Variants in MEP1A observed in about 807,000 individuals in gnomAD.
The protein encoded by MEP1A is meprin A subunit alpha.
In MEP1A, 68 loss-of-function variants were observed where a neutral mutation model predicts 84.5. The ratio of observed to expected loss-of-function variants is 0.80; its 90% CI spans 0.66 to 0.98. The LOEUF (loss-of-function observed/expected upper bound fraction) is 0.98. Among genes scored for constraint, MEP1A ranks in the 50% least tolerant of loss-of-function variants. The probability of loss-of-function intolerance (pLI) is 0.00; values close to 1 mark genes in which losing one functional copy is unlikely to be tolerated. For synonymous variants in MEP1A, 337 were observed against 336.8 expected (o/e 1.00, Z -0.01); for missense variants, 887 against 919.9 (o/e 0.96, Z 0.46).
chr6:46,801,564 C>T (rs1366978937), intron 5 of MEP1A, among the ~76,000 whole-genome samples: 4 of 151,820 alleles, frequency 2.6e-5, no homozygotes, highest in Non-Finnish European at 4.4e-5. Flanking sequence ...CTGTTACTTA[C>T]CTATTTGTTT....
intron 5 of MEP1A, among the ~76,000 whole-genome samples, chr6:46,801,115 A>G (rs1767189973): frequency 6.6e-6 from 1 of 152,124 alleles, no homozygotes; most frequent in Non-Finnish European, 1.5e-5. Flanking sequence ...AGTTTATGTG[A>G]ATACATTTTT....
intron 6 of MEP1A, among the ~76,000 whole-genome samples, chr6:46,815,146 A>G (rs1384881075): frequency 6.6e-6 from 1 of 152,164 alleles, no homozygotes; most frequent in Non-Finnish European, 1.5e-5. Context: ...AAGGCCATAG[A>G]GCTCTCAAGA....
intron 9 of MEP1A, among the ~76,000 whole-genome samples, chr6:46,828,497 C>T (rs556823600): frequency 6.6e-6 from 1 of 152,314 alleles, no homozygotes; most frequent in East Asian, 1.9e-4. Flanking sequence ...CAGCACTATA[C>T]TGTACACTCA....
At chr6:46,832,390 A>C (rs1768097827) in intron 10 of MEP1A, among the ~76,000 whole-genome samples, 1 of 152,196 alleles carries the variant, frequency 6.6e-6, no homozygotes, top group South Asian at 2.1e-4. Flanking sequence ...ATCTTTCCTC[A>C]GCTCTTAATT....
chr6:46,817,592 T>C (rs1767669838), intron 6 of MEP1A, among the ~76,000 whole-genome samples: 1 of 152,224 alleles, frequency 6.6e-6, no homozygotes, highest in South Asian at 2.1e-4. Flanking sequence ...TATTAACAAA[T>C]TTATTTCCAT....
chr6:46,829,450 G>T lies in MEP1A; in HGVS notation c.1023G>T (p.Gln341His). The change falls in exon 10 of 14, where the codon CAG (glutamine) becomes CAT (histidine). Residue 341 changes from glutamine to histidine, a missense_variant. By Grantham distance (24) the Gln-to-His change is conservative. Coordinates refer to ENST00000230588, the MANE Select transcript of MEP1A (RefSeq NM_005588.3). ...GGATTCTTTACCCAAAGAGGAAGCA[G>T]CAGTGCCTGCAATTTTTCTATAAAA... ...ESRILYPKRK[Q>H]QCLQFFYKMT... 2 of 1,614,158 alleles carry T rather than the reference G, an allele frequency of 1.2e-6. No individual in the cohort carries two copies. Among genetic ancestry groups the T allele is most frequent in the South Asian group, 1.1e-5 (1 of 91,084 alleles).
rs1366692413 is a variant in MEP1A, at chr6:46,839,325, T to C, written c.*189T>C. ...ATTCTGTTACTTTGCTATGTGCTCC[T>C]AATGTATCTAGTGTGTCCTGTGACA... On this transcript the variant is annotated 3_prime_UTR_variant, in exon 14 of 14. Transcript: ENST00000230588. The C allele has an allele frequency of 5.9e-6, 3 of 510,712 alleles. No homozygotes were observed. The Admixed American group carries it at 1.0e-4, about 18-fold the overall frequency. 31.6% of individuals were successfully genotyped at this position (510,712 alleles called of 1,614,324 possible). A position where few individuals can be genotyped will look rare whatever the true frequency, so the allele number is the denominator to read the frequency against.
Position 46,819,565 on chromosome 6 carries a change from G to C in MEP1A, c.417G>C (p.Gln139His). The C allele has an allele frequency of 6.2e-7, 1 of 1,613,962 alleles. No individual in the cohort carries two copies. The highest frequency in any genetic ancestry group is 8.5e-7 in the Non-Finnish European group (1 of 1,179,922). Residue 139 changes from glutamine to histidine, a missense_variant, in exon 7 of 14, where the codon CAG becomes CAC. By Grantham distance (24) the Gln-to-His change is conservative (BLOSUM62 0). Transcript: ENST00000230588. Reference protein sequence around the residue: ...WSEVGDQHVGQNISIGQGCAY... With the variant: ...WSEVGDQHVGHNISIGQGCAY... ...AGGTTGGTGACCAACATGTGGGACA[G>C]AACATTTCCATTGGCCAAGGATGTG... is the stretch of plus-strand genomic sequence containing the variant.
At chr6:46,798,422 T>C (rs1167119173) in intron 3 of MEP1A, among the ~76,000 whole-genome samples, 184 bp from the exon 4 acceptor site, 3 of 152,214 alleles carry the variant, frequency 2.0e-5, no homozygotes, top group Admixed American at 6.5e-5. Flanking sequence ...GCTATGACAA[T>C]ATGTGATACT....
chr6:46,793,820 G>C (rs1192653786), intron 3 of MEP1A, 104 bp downstream of exon 3: 36 of 809,512 alleles, frequency 4.4e-5, no homozygotes, highest in Non-Finnish European at 6.7e-5. Flanking sequence ...ATTCTCTGGG[G>C]GAGAAATATT....
intron 13 of MEP1A, among the ~76,000 whole-genome samples, chr6:46,835,841 C>G (rs1454643410): frequency 6.6e-6 from 1 of 152,162 alleles, no homozygotes; most frequent in Non-Finnish European, 1.5e-5. Context: ...TAACAACACC[C>G]AAGATGGCTT....
In MEP1A at chr6:46,809,447, A is replaced by G; in HGVS notation, c.290A>G (p.Tyr97Cys). The change falls in exon 6 of 14, where the codon TAT becomes TGT. Residue 97 changes from tyrosine to cysteine, a missense_variant. Transcript: ENST00000230588. ...LGLNAKGAILYAFEMFRLKSC... is the reference protein window; with the variant it reads ...LGLNAKGAILCAFEMFRLKSC... ...CTGAATGCTAAAGGAGCCATTCTGT[A>G]TGCCTTTGAGATGTTCCGTCTCAAG... The G allele has an allele frequency of 3.1e-6, 5 of 1,609,436 alleles. No individual in the cohort carries two copies. Among genetic ancestry groups the G allele is most frequent in the African/African-American group, 1.3e-5 (1 of 74,850 alleles).
chr6:46,822,051 T>C (rs1340785528), intron 7 of MEP1A, among the ~76,000 whole-genome samples: 10 of 152,208 alleles, frequency 6.6e-5, no homozygotes, highest in Admixed American at 6.5e-4. Context: ...ATTTCTTGAA[T>C]CAGAATTGTG....
chr6:46,803,222 AT>A (rs1767234247), intron 5 of MEP1A, among the ~76,000 whole-genome samples: 1 of 151,634 alleles, frequency 6.6e-6, no homozygotes, highest in African/African-American at 2.4e-5. Context: ...TTTATAATGA[AT>A]TCGATTCATT....
intron 11 of MEP1A, 96 bp from the exon 12 acceptor site, chr6:46,834,482 T>C: frequency 3.2e-6 from 1 of 311,144 alleles, no homozygotes; most frequent in South Asian, 1.1e-4. Context: ...TATTTATTTA[T>C]TTCTGATTCA....
At chr6:46,837,114 G>T (rs1270133040) in intron 13 of MEP1A, among the ~76,000 whole-genome samples, 3 of 152,048 alleles carry the variant, frequency 2.0e-5, no homozygotes, top group Non-Finnish European at 2.9e-5. Flanking sequence ...GACACATCCT[G>T]CTGCAATACT....
intron 5 of MEP1A, among the ~76,000 whole-genome samples, chr6:46,807,512 TAAAGAAAGAAAGAAAG>T (rs60287159): frequency 2.5e-3 from 124 of 49,586 alleles, no homozygotes; most frequent in African/African-American, 3.4e-3. Context: ...CCATCTGAAA[TAAAGAAAGAAAGAAAG>T]AAAGAAAGAA....
chr6:46,840,939 C>A (rs2150760692), downstream of MEP1A, among the ~76,000 whole-genome samples: 1 of 152,300 alleles, frequency 6.6e-6, no homozygotes, highest in Non-Finnish European at 1.5e-5. Context: ...TAAAGAAAGC[C>A]ATGCCCTTAA....
chr6:46,844,863 G>A, the MEP1A span, among the ~76,000 whole-genome samples: 2 of 152,184 alleles, frequency 1.3e-5, no homozygotes, highest in Non-Finnish European at 2.9e-5. Context: ...CTCATGTGTG[G>A]AGGGAGGGAA....
Sources: gnomAD v4.1 joint callset for allele counts (sites outside exome capture counted in the v4.1 genomes callset) on GRCh38, gnomAD v4.1.1 for gene constraint, MANE v1.5 for transcripts, NCBI Gene and HGNC (gene_info 2026-07-23, HGNC 2026-07-21) for gene names.